The following MAP3K7 variants were observed in gnomAD, a reference collection of about 807,000 sequenced individuals.
MAP3K7 encodes the protein TGF-beta activated kinase 1.
MAP3K7 carries 21 observed loss-of-function variants against 84.8 expected under a neutral mutation model. The ratio of observed to expected loss-of-function variants is 0.25; its 90% CI spans 0.18 to 0.36. The LOEUF is 0.36. Among genes scored for constraint, MAP3K7 ranks in the 10% least tolerant of loss-of-function variants. The probability of loss-of-function intolerance (pLI) is 1.00; values close to 1 mark genes in which losing one functional copy is unlikely to be tolerated. For synonymous variants in MAP3K7, 241 were observed against 247.7 expected (o/e 0.97, Z 0.25); for missense variants, 503 against 747.7 (o/e 0.67, Z 3.82).
At chr6:90,525,516 T>C (rs528950435) in intron 13 of MAP3K7, among the ~76,000 whole-genome samples, 32 of 151,644 alleles carry the variant, frequency 2.1e-4, no homozygotes, top group Admixed American at 1.1e-3. Context: ...ATGCTGTACA[T>C]ACAAATAGAT....
At chr6:90,517,755 G>A (rs188242695) in intron 16 of MAP3K7, among the ~76,000 whole-genome samples, 8 of 151,196 alleles carry the variant, frequency 5.3e-5, no homozygotes, top group African/African-American at 1.7e-4. Flanking sequence ...AAAGCTTTTC[G>A]CAAATTCAGA....
chr6:90,586,661 C>A (rs1777469082), intron 1 of MAP3K7, 103 bp downstream of exon 1: 2 of 1,460,206 alleles, frequency 1.4e-6, no homozygotes, highest in East Asian at 2.6e-5. Flanking sequence ...CGCAGGGTCC[C>A]GCGAATTAGA....
chr6:90,533,691 C>T (rs1004590564), intron 13 of MAP3K7, among the ~76,000 whole-genome samples: 5 of 152,130 alleles, frequency 3.3e-5, no homozygotes, highest in African/African-American at 9.7e-5. Flanking sequence ...CCTTTTATCA[C>T]GGTCTCAGCA....
intron 1 of MAP3K7, among the ~76,000 whole-genome samples, chr6:90,578,969 T>C (rs753332521): frequency 2.1e-4 from 32 of 152,322 alleles, no homozygotes; most frequent in East Asian, 1.9e-4. Flanking sequence ...CATGAATATA[T>C]AGGATTTTTT....
intron 12 of MAP3K7, 110 bp downstream of exon 12, chr6:90,544,442 G>T (rs886535871): frequency 2.3e-6 from 2 of 877,606 alleles, no homozygotes; most frequent in Admixed American, 3.7e-5. Flanking sequence ...TGCATGCAAG[G>T]TATCCATTTT....
intron 11 of MAP3K7, among the ~76,000 whole-genome samples, chr6:90,545,537 C>G (rs573256325): frequency 6.6e-6 from 1 of 152,228 alleles, no homozygotes; most frequent in East Asian, 1.9e-4. Flanking sequence ...AAGGGTTCCT[C>G]AAAGCATGAG....
At chr6:90,575,139 T>A (rs1262040843) in intron 1 of MAP3K7, among the ~76,000 whole-genome samples, 1 of 152,164 alleles carries the variant, frequency 6.6e-6, no homozygotes, top group Non-Finnish European at 1.5e-5. Flanking sequence ...TTCCCATTTT[T>A]AAAAATAGCA....
chr6:90,516,493 C>T lies in MAP3K7; in HGVS notation c.*8G>A. 1 of 1,607,538 alleles carries T rather than the reference C, an allele frequency of 6.2e-7. No individual in the cohort carries two copies. Among genetic ancestry groups the T allele is most frequent in the South Asian group, 1.1e-5 (1 of 89,474 alleles). ...TTGCATATTTCAAAATGTAACGGTCCCAGAGAATCATGAAGTGCCTTGTCG... is the reference window on the plus strand; with the variant it reads ...TTGCATATTTCAAAATGTAACGGTCTCAGAGAATCATGAAGTGCCTTGTCG... On this transcript the variant is annotated 3_prime_UTR_variant, in exon 17 of 17. Transcript: ENST00000369329.
intron 3 of MAP3K7, among the ~76,000 whole-genome samples, chr6:90,563,596 A>G (rs1776596976): frequency 2.0e-5 from 3 of 152,236 alleles, no homozygotes; most frequent in African/African-American, 7.2e-5. Flanking sequence ...ACATCTCATT[A>G]GTGTACCTGA....
intron 12 of MAP3K7, among the ~76,000 whole-genome samples, chr6:90,537,900 A>G (rs576707765): frequency 7.3e-4 from 111 of 152,106 alleles, no homozygotes; most frequent in Non-Finnish European, 1.4e-3. Flanking sequence ...CTCTTTTCAG[A>G]TTAGCAACAC....
chr6:90,554,216 T>C (rs898145412), intron 6 of MAP3K7, among the ~76,000 whole-genome samples: 22 of 152,176 alleles, frequency 1.4e-4, no homozygotes, highest in Admixed American at 2.0e-4. Flanking sequence ...CTCCTTTCTG[T>C]TACATTTTAA....
At chr6:90,560,006 T>C (rs528291304) in intron 5 of MAP3K7, 70 bp downstream of exon 5, 5 of 1,549,752 alleles carry the variant, frequency 3.2e-6, no homozygotes, top group South Asian at 2.3e-5. Context: ...AATTAGAGAG[T>C]GGGTTCGGGG....
At chr6:90,517,691 T>C (rs1775010201) in intron 16 of MAP3K7, among the ~76,000 whole-genome samples, 1 of 151,830 alleles carries the variant, frequency 6.6e-6, no homozygotes, top group Admixed American at 6.6e-5. Flanking sequence ...AATCACTGTA[T>C]CAATAAATTA....
At chr6:90,556,730 T>C in intron 5 of MAP3K7, 106 bp from the exon 6 acceptor site, 3 of 1,123,682 alleles carry the variant, frequency 2.7e-6, no homozygotes, top group Non-Finnish European at 2.5e-6. Flanking sequence ...GCAAAATGAA[T>C]GTTATCATTC....
chr6:90,536,702 G>T, intron 12 of MAP3K7: 1 of 281,460 alleles, frequency 3.6e-6, no homozygotes, highest in South Asian at 4.6e-5. Flanking sequence ...ACCATCTTCT[G>T]TCATGTGTTT....
intron 13 of MAP3K7, among the ~76,000 whole-genome samples, chr6:90,534,430 T>G (rs1299646882): frequency 1.3e-5 from 2 of 152,160 alleles, no homozygotes; most frequent in African/African-American, 4.8e-5. Context: ...AGTTTTAAAA[T>G]GTGGCTACAC....
At position 90,519,332 on chromosome 6, in the gene MAP3K7, C is replaced by A. The variant is rs368281714; in HGVS notation, c.1463-13G>T. The A allele has an allele frequency of 6.9e-5, 106 of 1,541,534 alleles. No individual in the cohort carries two copies. Among genetic ancestry groups the A allele is most frequent in the Admixed American group, 1.0e-4 (5 of 50,146 alleles). On this transcript the variant is annotated splice_polypyrimidine_tract_variant and intron_variant, in intron 14 of 16. Transcript: ENST00000369329. ...GATCCATTGGTATCTGGAATTCAAGCATGTATTTTATTGATTTTCTGTCAC... is the reference window on the plus strand; with the variant it reads ...GATCCATTGGTATCTGGAATTCAAGAATGTATTTTATTGATTTTCTGTCAC...
chr6:90,536,265 G>A, intron 13 of MAP3K7, 72 bp downstream of exon 13: 1 of 1,238,196 alleles, frequency 8.1e-7, no homozygotes, highest in Non-Finnish European at 1.2e-6. Flanking sequence ...TAATTTTGCA[G>A]AGTAGAATAC....
At chr6:90,578,953 T>C (rs1327396056) in intron 1 of MAP3K7, among the ~76,000 whole-genome samples, 1 of 152,212 alleles carries the variant, frequency 6.6e-6, no homozygotes, top group Admixed American at 6.5e-5. Flanking sequence ...AGTGTCACCA[T>C]AAACCCATGA....
Sources: allele counts gnomAD v4.1 joint callset (sites outside exome capture counted in the v4.1 genomes callset), GRCh38; gene constraint gnomAD v4.1.1; transcripts MANE v1.5; gene names NCBI Gene and HGNC (gene_info 2026-07-23, HGNC 2026-07-21).